The following CCNDBP1 variants were observed in gnomAD, a reference collection of about 807,000 sequenced individuals.
CCNDBP1 encodes the protein cyclin D1 binding protein 1.
CCNDBP1 carries 45 observed loss-of-function variants against 46.2 expected under a neutral mutation model. The observed-to-expected ratio is 0.97, with a 90% confidence interval of 0.77 to 1.25. The LOEUF (loss-of-function observed/expected upper bound fraction) is 1.25, where lower values mean the gene tolerates loss of function less well. CCNDBP1 is among the 50% of genes most tolerant of loss of function. CCNDBP1 has a pLI of 0.00. For missense variants in CCNDBP1, 436 were observed against 442.1 expected (o/e 0.99, Z 0.12); for synonymous variants, 154 against 163.6 (o/e 0.94, Z 0.45).
intron 4 of CCNDBP1, 81 bp downstream of exon 4, chr15:43,189,361 C>T (rs1244187431): frequency 6.8e-5 from 51 of 748,792 alleles, no homozygotes; most frequent in Non-Finnish European, 9.4e-5. Context: ...TACCTTTACC[C>T]AACTTGAACA....
intron 3 of CCNDBP1, 94 bp from the exon 4 acceptor site, chr15:43,189,101 AAAAG>A (rs71111804): frequency 2.4e-5 from 4 of 165,862 alleles, no homozygotes; most frequent in African/African-American, 3.6e-5. Context: ...AAAAAAAAAA[AAAAG>A]AAAAAGAAAG....
chr15:43,189,533 C>T (rs1301139229), intron 4 of CCNDBP1: 2 of 424,186 alleles, frequency 4.7e-6, no homozygotes, highest in African/African-American at 4.1e-5. Context: ...AGCCTTCTCC[C>T]TCTTCAACCC....
chr15:43,189,434 C>T, intron 4 of CCNDBP1, 154 bp downstream of exon 4: 1 of 539,274 alleles, frequency 1.9e-6, no homozygotes, highest in Non-Finnish European at 3.3e-6. Context: ...CTTATATAAA[C>T]AAGCCATTAT....
chr15:43,187,291 A>G (rs2041868753), intron 3 of CCNDBP1, among the ~76,000 whole-genome samples: 1 of 147,194 alleles, frequency 6.8e-6, no homozygotes, highest in Non-Finnish European at 1.5e-5. Context: ...TTTTTTTGAG[A>G]CAGAGTCTCT....
Position 43,196,945 on chromosome 15 carries a change from G to T in CCNDBP1, c.*2104G>T. On this transcript the variant is annotated 3_prime_UTR_variant, in exon 11 of 11. Transcript: ENST00000300213. ...TGAATGGCTTCGTTCCATTGGTGGG[G>T]TAATGAGTAAGTTCTCGCTCTATAT... is the stretch of plus-strand genomic sequence containing the variant. The T allele has an allele frequency of 2.9e-6, 1 of 340,176 alleles. No homozygotes were observed. The highest frequency in any genetic ancestry group is 5.7e-6 in the Non-Finnish European group (1 of 174,836). The allele number at this position is 340,176 out of a possible 1,614,324, so 21.1% of individuals were successfully genotyped here. A position where few individuals can be genotyped will look rare whatever the true frequency, so the allele number is the denominator to read the frequency against.
chr15:43,187,271 A>AT (rs1444319407), intron 3 of CCNDBP1, among the ~76,000 whole-genome samples: 5,224 of 141,612 alleles, frequency 0.037, 307 homozygotes, highest in African/African-American at 0.12. Flanking sequence ...TACCTTTGAG[A>AT]TTTTTTTTTT....
Position 43,194,046 on chromosome 15 carries a change from C to CTTTT in CCNDBP1, c.922-342_922-339dup, listed in dbSNP as rs748207621. The CTTTT allele has an allele frequency of 8.0e-3, 403 of 50,124 alleles. 6 individuals are homozygous for CTTTT. The highest frequency in any genetic ancestry group is 0.018 in the East Asian group (21 of 1,154). The allele number at this position is 50,124 out of a possible 1,614,324, so 3.1% of individuals were successfully genotyped here. On this transcript the variant is annotated intron_variant, in intron 9 of 10. Transcript: ENST00000300213. Reference sequence around the variant, plus strand: ...TGGTGTTCTTAAAATTCTTAATGCGCTTTTTTTTTTTTTTTTTTTTTTTTT... The same window carrying CTTTT: ...TGGTGTTCTTAAAATTCTTAATGCGCTTTTTTTTTTTTTTTTTTTTTTTTTTTTT...
At chr15:43,185,705 G>C (rs1194340374) in intron 1 of CCNDBP1, 98 bp downstream of exon 1, 8 of 1,423,010 alleles carry the variant, frequency 5.6e-6, no homozygotes, top group Non-Finnish European at 7.5e-6. Flanking sequence ...TCGGGGTCGC[G>C]GAGAGGGCGG....
Position 43,191,551 on chromosome 15 carries a change from G to T in CCNDBP1, c.736G>T (p.Ala246Ser), listed in dbSNP as rs1207686986. Reference sequence around the variant, plus strand: ...TCAAGAGCTCATAATCCCATGCCTTGCGCTGGTGAGAGCATCCAAAGCCTG... The same window carrying T: ...TCAAGAGCTCATAATCCCATGCCTTTCGCTGGTGAGAGCATCCAAAGCCTG... ...DDQELIIPCL[A>S]LVRASKACLK... is the part of the protein sequence containing the mutation. The change falls in exon 8 of 11, where the codon GCG (alanine) becomes TCG (serine). Residue 246 changes from alanine to serine, a missense_variant. Transcript: ENST00000300213. The T allele has an allele frequency of 1.9e-6, 3 of 1,613,950 alleles. No individual in the cohort carries two copies. The highest frequency in any genetic ancestry group is 1.3e-5 in the African/African-American group (1 of 74,896).
rs2042048031 is a variant in CCNDBP1, at chr15:43,197,111, A to G, written c.*2270A>G. On this transcript the variant is annotated 3_prime_UTR_variant, in exon 11 of 11. Coordinates refer to ENST00000300213, the MANE Select transcript of CCNDBP1 (RefSeq NM_012142.5). ...TCCTGCATAAGTGGAAGCAGCCTGA[A>G]GCCCTCACTGTTTCTTGTACAGCCT... The G allele has an allele frequency of 1.4e-6, 1 of 716,880 alleles. No individual in the cohort carries two copies. The highest frequency in any genetic ancestry group is 1.8e-5 in the African/African-American group (1 of 56,264). The allele number at this position is 716,880 out of a possible 1,614,324, so 44.4% of individuals were successfully genotyped here.
Position 43,185,618 on chromosome 15 carries a change from GGA to G in CCNDBP1, c.109+13_109+14del. The G allele has an allele frequency of 6.5e-7, 1 of 1,541,310 alleles. No individual in the cohort carries two copies. Among genetic ancestry groups the G allele is most frequent in the South Asian group, 1.2e-5 (1 of 84,514 alleles). On this transcript the variant is annotated intron_variant, in intron 1 of 10. Transcript: ENST00000300213. ...TGCCTCGAGTGCGGGGTGAGCTGAC[GGA>G]GTTAGAACGGGCGACGGCAGGGGCG...
intron 4 of CCNDBP1, 34 bp downstream of exon 4, chr15:43,189,314 A>G (rs2041911442): frequency 3.9e-6 from 5 of 1,269,046 alleles, no homozygotes; most frequent in Non-Finnish European, 5.6e-6. Flanking sequence ...TATCGTGTAG[A>G]TCTTTGCTAA....
Position 43,197,170 on chromosome 15 carries a change from T to G in CCNDBP1, c.*2329T>G. ...GTGAGCCAAATAAAGCTCTTTTCTT[T>G]TAAACTACCCAGCCTCAGTTATTCC... On this transcript the variant is annotated 3_prime_UTR_variant, in exon 11 of 11. Coordinates refer to ENST00000300213, the MANE Select transcript of CCNDBP1 (RefSeq NM_012142.5). The G allele has an allele frequency of 6.0e-6, 8 of 1,331,116 alleles. No homozygotes were observed. The highest frequency in any genetic ancestry group is 7.4e-6 in the Non-Finnish European group (7 of 947,502). The allele number at this position is 1,331,116 out of a possible 1,614,324, so 82.5% of individuals were successfully genotyped here. A position where few individuals can be genotyped will look rare whatever the true frequency, so the allele number is the denominator to read the frequency against.
At chr15:43,193,436 A>C (rs1251120876) in intron 9 of CCNDBP1, 2 of 149,114 alleles carry the variant, frequency 1.3e-5, no homozygotes, top group African/African-American at 4.9e-5. Context: ...ACAAGTTTCT[A>C]ATTTCTAGAC....
rs1567264068 is a variant in CCNDBP1 at position 43,191,412 on chromosome 15, C to CCCTTA, written c.599_603dup (p.Ser202LeufsTer6). ...TGTCTTAGGCTGTGGAAGAATGTGA[C>CCCTTA]CCTTACTCTGGCCTCTTGAATGATA... On this transcript the variant is annotated frameshift_variant, in exon 8 of 11. Transcript: ENST00000300213. LOFTEE classifies it high-confidence loss of function. The CCCTTA allele has an allele frequency of 6.2e-7, 1 of 1,601,570 alleles. No individual in the cohort carries two copies. Among genetic ancestry groups the CCCTTA allele is most frequent in the South Asian group, 1.1e-5 (1 of 90,874 alleles).
Position 43,189,101 on chromosome 15 carries a change from A to AAAAAAAAAAAAAAAAAG in CCNDBP1, c.250-95_250-94insAAAAAAAAAAAAAGAAA, listed in dbSNP as rs756151109. ...TCAAAAAAAAAAAAAAAAAAAAAAA[A>AAAAAAAAAAAAAAAAAG]AAAGAAAAAGAAAGAAAAGAAAAAG... On this transcript the variant is annotated intron_variant, in intron 3 of 10. Coordinates refer to ENST00000300213, the MANE Select transcript of CCNDBP1 (RefSeq NM_012142.5). The AAAAAAAAAAAAAAAAAG allele has an allele frequency of 5.2e-4, 86 of 165,884 alleles. 9 individuals are homozygous for AAAAAAAAAAAAAAAAAG. Among genetic ancestry groups the AAAAAAAAAAAAAAAAAG allele is most frequent in the Non-Finnish European group, 7.3e-4 (65 of 89,544 alleles). 10.3% of individuals were successfully genotyped at this position (165,884 alleles called of 1,614,324 possible).
chr15:43,192,267 C>T (rs2041966054), intron 8 of CCNDBP1, among the ~76,000 whole-genome samples: 1 of 152,170 alleles, frequency 6.6e-6, no homozygotes, highest in Non-Finnish European at 1.5e-5. Context: ...TGTTAGTTCT[C>T]ATTTTTGCAA....
intron 8 of CCNDBP1, 107 bp from the exon 9 acceptor site, chr15:43,192,636 A>T: frequency 2.0e-6 from 2 of 1,007,352 alleles, no homozygotes; most frequent in South Asian, 2.7e-5. Flanking sequence ...TTAAAAACTG[A>T]CAGGCATTTC....
chr15:43,196,707 G>A lies in CCNDBP1; in HGVS notation c.*1866G>A, dbSNP rs1296814317. 1 of 159,350 alleles carries A rather than the reference G, an allele frequency of 6.3e-6. No individual in the cohort carries two copies. Among genetic ancestry groups the A allele is most frequent in the African/African-American group, 2.4e-5 (1 of 41,484 alleles). The allele number at this position is 159,350 out of a possible 1,614,324, so 9.9% of individuals were successfully genotyped here. ...TTCCCTTATCTGTAAGTTAATGAATGTATTAATGAGCAGTAAAATGGTTGC... is the reference window on the plus strand; with the variant it reads ...TTCCCTTATCTGTAAGTTAATGAATATATTAATGAGCAGTAAAATGGTTGC... On this transcript the variant is annotated 3_prime_UTR_variant, in exon 11 of 11. Coordinates refer to ENST00000300213, the MANE Select transcript of CCNDBP1 (RefSeq NM_012142.5).
Sources: gnomAD v4.1 joint callset for allele counts (sites outside exome capture counted in the v4.1 genomes callset) on GRCh38, gnomAD v4.1.1 for gene constraint, MANE v1.5 for transcripts, NCBI Gene and HGNC (gene_info 2026-07-23, HGNC 2026-07-21) for gene names.